Variants in FLT4 observed in about 807,000 individuals in gnomAD.
FLT4 encodes vascular endothelial growth factor receptor 3.
A neutral mutation model predicts 163.2 loss-of-function variants in FLT4; 30 were observed. That is an observed-to-expected ratio of 0.18 (90% CI 0.14 to 0.25). FLT4 has a LOEUF of 0.25. FLT4 is among the 10% of genes least tolerant of loss of function. FLT4 has a pLI of 1.00. For missense variants in FLT4, 1,510 were observed against 1,863.8 expected (o/e 0.81, Z 3.50); for synonymous variants, 884 against 789.5 (o/e 1.12, Z -2.01).
intron 1 of FLT4, among the ~76,000 whole-genome samples, chr5:180,640,703 C>T (rs1765038252): frequency 6.6e-6 from 1 of 152,372 alleles, no homozygotes; most frequent in Middle Eastern, 3.4e-3. Flanking sequence ...GCCAGCCTTG[C>T]TTTCCTCCCA....
intron 29 of FLT4, among the ~76,000 whole-genome samples, 164 bp downstream of exon 29, chr5:180,608,803 AG>A (rs1761952211): frequency 6.6e-6 from 1 of 152,118 alleles, no homozygotes; most frequent in Non-Finnish European, 1.5e-5. Context: ...GCGGTGCTGT[AG>A]GTCAGGAGGG....
At chr5:180,629,061 T>TC (rs1223734974) in intron 7 of FLT4, 62 bp from the exon 8 acceptor site, 8 of 1,497,516 alleles carry the variant, frequency 5.3e-6, no homozygotes, top group South Asian at 2.3e-5. Flanking sequence ...GACCAGGGAC[T>TC]CCCCCCACGG....
intron 14 of FLT4, 24 bp downstream of exon 14, chr5:180,621,082 C>T (rs1430003225): frequency 6.2e-7 from 1 of 1,612,712 alleles, no homozygotes; most frequent in East Asian, 2.2e-5. Context: ...CGGACCTGCC[C>T]TTCGCCAGGG....
chr5:180,604,145 G>T (rs138879030), intron 29 of FLT4, among the ~76,000 whole-genome samples: 1 of 152,060 alleles, frequency 6.6e-6, no homozygotes, highest in African/African-American at 2.4e-5. Context: ...AAAGCGGATC[G>T]ATCTGATCCA....
intron 23 of FLT4, 114 bp downstream of exon 23, chr5:180,616,253 C>G: frequency 6.7e-7 from 1 of 1,482,950 alleles, no homozygotes; most frequent in Non-Finnish European, 9.3e-7. Flanking sequence ...GCTGGCCAAC[C>G]AAGGAGCTCA....
chr5:180,604,062 A>G (rs945000573), intron 29 of FLT4, among the ~76,000 whole-genome samples: 1 of 152,122 alleles, frequency 6.6e-6, no homozygotes, highest in Non-Finnish European at 1.5e-5. Context: ...TCTGATGGGA[A>G]CCACCAAGGA....
At chr5:180,631,909 C>T in intron 1 of FLT4, 131 bp from the exon 2 acceptor site, 2 of 621,222 alleles carry the variant, frequency 3.2e-6, no homozygotes. Flanking sequence ...TCTCAGCCAG[C>T]ACCGCGTGGC....
intron 29 of FLT4, among the ~76,000 whole-genome samples, chr5:180,606,584 G>A (rs1761796651): frequency 6.6e-6 from 1 of 152,242 alleles, no homozygotes; most frequent in African/African-American, 2.4e-5. Flanking sequence ...TCAAGGAGCT[G>A]TGCTGTTTCT....
rs1763064641 is a variant in FLT4, at chr5:180,620,713, A to T, written c.2302T>A (p.Ser768Thr). ...NSSASVAVEG[S>T]EDKGSMEIVI... ...ATCTCCATGCTGCCCTTATCCTCGG[A>T]GCCTGCGTGGGCAGAAAGGGGCCGG... The change falls in exon 16 of 30, where the codon TCC (serine) becomes ACC (threonine). Residue 768 changes from serine (S) to threonine (T), a missense_variant and splice_region_variant. Physicochemically the swap from Ser to Thr is moderately conservative, Grantham distance 58. This residue lies in a region of FLT4 where 878 missense variants were observed against 1,016.7 expected (regional missense o/e 0.86). Transcript: ENST00000261937. The surrounding 1 kb of genome is among the most constrained non-coding windows in gnomAD (Gnocchi z 4.4). The T allele has an allele frequency of 6.2e-7, 1 of 1,612,436 alleles. No homozygotes were observed. Among genetic ancestry groups the T allele is most frequent in the South Asian group, 1.1e-5 (1 of 91,014 alleles).
At chr5:180,603,760 C>T (rs167411) in intron 29 of FLT4, among the ~76,000 whole-genome samples, 2,734 of 152,126 alleles carry the variant, frequency 0.018, 35 homozygotes, top group Non-Finnish European at 0.029. Context: ...AAACATTAGC[C>T]GGGCGTGGTG....
chr5:180,645,755 TG>T (rs1765461652), intron 1 of FLT4, among the ~76,000 whole-genome samples: 1 of 152,146 alleles, frequency 6.6e-6, no homozygotes, highest in African/African-American at 2.4e-5. Flanking sequence ...CTCCCAGACC[TG>T]TCTCCTCAGT....
chr5:180,642,356 G>C (rs1182389431), intron 1 of FLT4, among the ~76,000 whole-genome samples: 1 of 152,186 alleles, frequency 6.6e-6, no homozygotes, highest in African/African-American at 2.4e-5. Context: ...GCTGGTGGGA[G>C]AGGATTCATG....
intron 1 of FLT4, among the ~76,000 whole-genome samples, chr5:180,640,686 TG>T (rs1291745174): frequency 2.6e-5 from 4 of 152,258 alleles, no homozygotes; most frequent in Non-Finnish European, 5.9e-5. Flanking sequence ...TGAGAGCTGC[TG>T]GGAGAGCCAG....
At chr5:180,621,067 G>A in intron 14 of FLT4, 39 bp downstream of exon 14, 2 of 1,612,420 alleles carry the variant, frequency 1.2e-6, no homozygotes, top group Non-Finnish European at 1.7e-6. Context: ...GGCCTCGCGG[G>A]CCTCCGGACC....
In FLT4 at chr5:180,621,329, T is replaced by C. The variant is rs552653933; in HGVS notation, c.2021-77A>G. Reference sequence around the variant, plus strand: ...ACCCTCTTTGGGCTGGGAGCAGAGGTAGAAAAGGATCCCTGGAAGCTGGAC... The same window carrying C: ...ACCCTCTTTGGGCTGGGAGCAGAGGCAGAAAAGGATCCCTGGAAGCTGGAC... On this transcript the variant is annotated intron_variant, in intron 13 of 29. Coordinates refer to ENST00000261937, the MANE Select transcript of FLT4 (RefSeq NM_182925.5). 9 of 1,516,512 alleles carry C rather than the reference T, an allele frequency of 5.9e-6. No individual in the cohort carries two copies. The East Asian group carries it at 1.8e-4, about 31-fold the overall frequency. The allele number at this position is 1,516,512 out of a possible 1,614,324, so 93.9% of individuals were successfully genotyped here. A position where few individuals can be genotyped will look rare whatever the true frequency, so the allele number is the denominator to read the frequency against.
At position 180,610,988 on chromosome 5, in the gene FLT4, C is replaced by G. The variant is rs11746100; in HGVS notation, c.3686+343G>C. 2.4e-3 allele frequency among the ~76,000 whole-genome samples: 365 copies of G among 152,050 alleles called. 2 individuals are homozygous for G. The highest frequency in any genetic ancestry group is 0.015 in the South Asian group (71 of 4,822). ...AGGAGAATGGCGTGAACCTGGGAGGCGGAGCTTGCGGTGAGCCGAGATCGC... is the reference window on the plus strand; with the variant it reads ...AGGAGAATGGCGTGAACCTGGGAGGGGGAGCTTGCGGTGAGCCGAGATCGC... On this transcript the variant is annotated intron_variant, in intron 27 of 29. Transcript: ENST00000261937.
chr5:180,611,926 C>T (rs1208237784), intron 26 of FLT4, among the ~76,000 whole-genome samples: 2 of 152,172 alleles, frequency 1.3e-5, no homozygotes, highest in Non-Finnish European at 2.9e-5. Flanking sequence ...AGCTGGCAGC[C>T]TCAGGAACTG....
chr5:180,631,315 T>C (rs573340746), intron 2 of FLT4, among the ~76,000 whole-genome samples: 1 of 151,732 alleles, frequency 6.6e-6, no homozygotes, highest in Admixed American at 6.6e-5. Flanking sequence ...CTACTACAAA[T>C]ACAAAAAATT....
rs906071313 is a variant in FLT4, at chr5:180,626,986, C to T, written c.1104-721G>A. On this transcript the variant is annotated intron_variant, in intron 8 of 29. Transcript: ENST00000261937. ...TTGCTGTGTCTGTTTGCCCATCGTC[C>T]CCCTGGGCTGGGAGCCCCACGAGGG... Among the ~76,000 whole-genome samples the T allele has an allele frequency of 3.3e-5, 5 of 152,224 alleles. No homozygotes were observed. The South Asian group carries it at 1.0e-3, about 31-fold the overall frequency.
Sources: allele counts gnomAD v4.1 joint callset (sites outside exome capture counted in the v4.1 genomes callset), GRCh38; gene constraint gnomAD v4.1.1; regional missense constraint gnomAD v4.1.1; non-coding constraint Gnocchi (gnomAD v3.1); transcripts MANE v1.5; gene names NCBI Gene and HGNC (gene_info 2026-07-23, HGNC 2026-07-21).